IQCJ: variants seen among roughly 807,000 people sequenced by gnomAD.
The protein encoded by IQCJ is IQ domain-containing protein J.
IQCJ carries 9 observed loss-of-function variants against 11.0 expected under a neutral mutation model. That is an observed-to-expected ratio of 0.82 (90% CI 0.49 to 1.43). IQCJ has a LOEUF of 1.43. Among genes scored for constraint, IQCJ ranks in the 40% most tolerant of loss-of-function variants. The pLI is 0.00. For synonymous variants in IQCJ, 55 were observed against 51.3 expected (o/e 1.07, Z -0.31); for missense variants, 146 against 133.2 (o/e 1.10, Z -0.47).
At chr3:159,145,984 A>G (rs967255763) in intron 1 of IQCJ, among the ~76,000 whole-genome samples, 1 of 152,226 alleles carries the variant, frequency 6.6e-6, no homozygotes, top group African/African-American at 2.4e-5. Context: ...CGAAGGCTAC[A>G]TGAAGTAGAT....
intron 3 of IQCJ, 102 bp downstream of exon 3, chr3:159,252,909 A>G (rs1319016925): frequency 8.7e-7 from 1 of 1,150,612 alleles, no homozygotes; most frequent in Admixed American, 2.3e-5. Flanking sequence ...TCTTTATTTT[A>G]CATTCATGTG....
At chr3:159,191,582 T>A (rs1723693923) in intron 1 of IQCJ, among the ~76,000 whole-genome samples, 1 of 152,060 alleles carries the variant, frequency 6.6e-6, no homozygotes, top group Non-Finnish European at 1.5e-5. Context: ...AGGCTTTGAG[T>A]CAGTTTATTA....
At chr3:159,212,315 T>C (rs1725000494) in intron 1 of IQCJ, among the ~76,000 whole-genome samples, 1 of 152,108 alleles carries the variant, frequency 6.6e-6, no homozygotes, top group South Asian at 2.1e-4. Flanking sequence ...AGCTGCGTGG[T>C]CCTATGCCAG....
chr3:159,148,625 T>G (rs944605234), intron 1 of IQCJ, among the ~76,000 whole-genome samples: 1 of 152,216 alleles, frequency 6.6e-6, no homozygotes, highest in Non-Finnish European at 1.5e-5. Flanking sequence ...GAAGTCCTAT[T>G]TACCTCTTAT....
chr3:159,147,876 G>A (rs1721005284), intron 1 of IQCJ, among the ~76,000 whole-genome samples: 2 of 152,176 alleles, frequency 1.3e-5, no homozygotes, highest in South Asian at 2.1e-4. Flanking sequence ...CAAGAGAATC[G>A]TGGAATCGTG....
chr3:159,094,380 CT>C, intron 1 of IQCJ, among the ~76,000 whole-genome samples: 1 of 116,238 alleles, frequency 8.6e-6, no homozygotes, highest in East Asian at 2.9e-4. Context: ...TCTTCAGGAT[CT>C]TTTTTGTTTT....
chr3:159,210,678 T>C lies in IQCJ; in HGVS notation c.10-35165T>C, dbSNP rs182001230. Among the ~76,000 whole-genome samples, 1,258 of 152,304 alleles carry C rather than the reference T, an allele frequency of 8.3e-3. 8 individuals are homozygous for C. The highest frequency in any genetic ancestry group is 0.014 in the Non-Finnish European group (967 of 68,014). ...TGAATTTTTATTTGTGATTGATCAC[T>C]TTTTTCTTTGAGACTGAGTTTCGCT... is the stretch of plus-strand genomic sequence containing the variant. On this transcript the variant is annotated intron_variant, in intron 1 of 3. Coordinates refer to ENST00000397832, the MANE Select transcript of IQCJ (RefSeq NM_001042706.3).
At chr3:159,069,710 T>C in intron 1 of IQCJ, 1 of 578,306 alleles carries the variant, frequency 1.7e-6, no homozygotes, top group Non-Finnish European at 3.2e-6. Context: ...AAGCAACACT[T>C]CCTATGAACA....
intron 1 of IQCJ, among the ~76,000 whole-genome samples, chr3:159,146,648 C>T (rs1178405889): frequency 6.6e-6 from 1 of 152,102 alleles, no homozygotes; most frequent in Admixed American, 6.5e-5. Context: ...TCCCATCTGT[C>T]AGGGCAAAAC....
chr3:159,145,351 G>A (rs990064279), intron 1 of IQCJ, among the ~76,000 whole-genome samples: 3 of 152,166 alleles, frequency 2.0e-5, no homozygotes, highest in African/African-American at 7.2e-5. Flanking sequence ...AGAGTTAAAT[G>A]TCTTCTTCTG....
At chr3:159,232,296 T>G (rs971203406) in intron 1 of IQCJ, among the ~76,000 whole-genome samples, 2 of 152,128 alleles carry the variant, frequency 1.3e-5, no homozygotes, top group Admixed American at 1.3e-4. Flanking sequence ...TTAACACTGC[T>G]TTAGCTGTGT....
chr3:159,132,415 T>A (rs574288680), intron 1 of IQCJ, among the ~76,000 whole-genome samples: 2 of 152,216 alleles, frequency 1.3e-5, no homozygotes, highest in Non-Finnish European at 2.9e-5. Context: ...CCCTAAATGA[T>A]TGAGTTAACA....
intron 1 of IQCJ, among the ~76,000 whole-genome samples, chr3:159,190,397 G>A (rs1472162099): frequency 6.6e-6 from 1 of 152,202 alleles, no homozygotes; most frequent in Non-Finnish European, 1.5e-5. Context: ...ATTTGGTAGT[G>A]CTGACTTCCG....
At chr3:159,213,177 A>G (rs1000065542) in intron 1 of IQCJ, among the ~76,000 whole-genome samples, 1 of 152,212 alleles carries the variant, frequency 6.6e-6, no homozygotes, top group Non-Finnish European at 1.5e-5. Flanking sequence ...GTCGCAGCCC[A>G]TAATTTGTGG....
At chr3:159,245,286 A>G (rs1727190251) in intron 1 of IQCJ, among the ~76,000 whole-genome samples, 1 of 152,060 alleles carries the variant, frequency 6.6e-6, no homozygotes, top group Non-Finnish European at 1.5e-5. Context: ...ATTTGGAAAG[A>G]GTGTGGGTGG....
intron 1 of IQCJ, among the ~76,000 whole-genome samples, chr3:159,146,947 C>A (rs1002541735): frequency 2.0e-5 from 3 of 152,114 alleles, no homozygotes. Context: ...TAATTAAAAT[C>A]TATGTCAGTT....
chr3:159,194,301 G>A (rs1723854682), intron 1 of IQCJ, among the ~76,000 whole-genome samples: 1 of 152,150 alleles, frequency 6.6e-6, no homozygotes. Context: ...CTGGTTGGCT[G>A]CCCGTCTATC....
chr3:159,070,902 T>C (rs11717813), intron 1 of IQCJ, among the ~76,000 whole-genome samples: 51,052 of 151,860 alleles, frequency 0.34, 10,215 homozygotes, highest in Non-Finnish European at 0.46. Context: ...AGTAAATAGG[T>C]TAATTATTTT....
chr3:159,107,405 T>A (rs1456741395), intron 1 of IQCJ, among the ~76,000 whole-genome samples: 1 of 152,220 alleles, frequency 6.6e-6, no homozygotes, highest in Non-Finnish European at 1.5e-5. Flanking sequence ...GGACTTTCCC[T>A]TTCCAAAACT....
Sources: gnomAD v4.1 joint callset for allele counts (sites outside exome capture counted in the v4.1 genomes callset) on GRCh38, gnomAD v4.1.1 for gene constraint, MANE v1.5 for transcripts, NCBI Gene and HGNC (gene_info 2026-07-23, HGNC 2026-07-21) for gene names.